RIOX2: variants seen among roughly 807,000 people sequenced by gnomAD.
RIOX2 encodes 60S ribosomal protein L27a histidine hydroxylase.
RIOX2 carries 43 observed loss-of-function variants against 51.2 expected under a neutral mutation model. That is an observed-to-expected ratio of 0.84 (90% CI 0.66 to 1.08). The LOEUF is 1.08. Ranked by LOEUF, RIOX2 falls within the 50% of genes least tolerant of loss-of-function variation. The pLI is 0.00. For synonymous variants in RIOX2, 226 were observed against 218.5 expected, an observed-to-expected ratio of 1.03 and a Z score of -0.30; for missense variants, 566 against 561.7, an observed-to-expected ratio of 1.01 and a Z score of -0.08.
rs2040307921 is a variant in RIOX2, at chr3:97,944,562, G to C, written c.*622C>G. ...TTTAAACTCGAAGACCCACTATTTT[G>C]AGTATTTTTTATAGACTTTAAATAC... On this transcript the variant is annotated 3_prime_UTR_variant, in exon 10 of 10. Transcript: ENST00000394198. 1 of 152,194 alleles carries C rather than the reference G, an allele frequency of 6.6e-6. No homozygotes were observed. The highest frequency in any genetic ancestry group is 1.5e-5 in the Non-Finnish European group (1 of 67,854). The allele number at this position is 152,194 out of a possible 1,614,324, so 9.4% of individuals were successfully genotyped here.
intron 3 of RIOX2, among the ~76,000 whole-genome samples, chr3:97,961,196 C>A (rs1705658349): frequency 6.6e-6 from 1 of 152,132 alleles, no homozygotes; most frequent in Non-Finnish European, 1.5e-5. Context: ...ATATTTTTGG[C>A]AGCTACTGAA....
intron 9 of RIOX2, 143 bp from the exon 10 acceptor site, chr3:97,945,485 TAA>T (rs2040333333): frequency 1.4e-6 from 1 of 725,400 alleles, no homozygotes; most frequent in African/African-American, 1.8e-5. Context: ...TTAGATAACA[TAA>T]AAGATGCCAA....
chr3:97,960,202 G>T (rs78571933), intron 3 of RIOX2, among the ~76,000 whole-genome samples: 2 of 152,194 alleles, frequency 1.3e-5, no homozygotes, highest in African/African-American at 4.8e-5. Context: ...GAAAAAAGTC[G>T]TAACGTTACA....
chr3:97,964,762 A>T (rs1050422260), intron 2 of RIOX2, among the ~76,000 whole-genome samples: 1 of 151,272 alleles, frequency 6.6e-6, no homozygotes, highest in Non-Finnish European at 1.5e-5. Context: ...AAGCTGCCCT[A>T]TTTCAAATGC....
intron 3 of RIOX2, among the ~76,000 whole-genome samples, chr3:97,959,747 A>G (rs563148592): frequency 6.6e-6 from 1 of 152,318 alleles, no homozygotes; most frequent in South Asian, 2.1e-4. Flanking sequence ...GAATGTCATA[A>G]ATGCATCAAA....
At chr3:97,947,513 T>G in intron 7 of RIOX2, 64 bp from the exon 8 acceptor site, 1 of 1,230,390 alleles carries the variant, frequency 8.1e-7, no homozygotes, top group African/African-American at 1.5e-5. Context: ...TCAAACTTGC[T>G]TATACATACA....
Position 97,949,872 on chromosome 3 carries a change from C to G in RIOX2, c.1032G>C (p.Ala344=). Residue 344 remains alanine (A), a synonymous_variant, in exon 7 of 10, where the codon GCG becomes GCC. Transcript: ENST00000394198. The stretch of plus-strand genomic sequence containing the variant: ...GTGTTGACAGCTCTGCCCCATCTCC[C>G]GCAGAGTAAGGGGGGAGTCTGTGCA... The part of the protein sequence containing the change: ...FIMHRLPPYS[A]GDGAELSTPG... The G allele has an allele frequency of 6.2e-7, 1 of 1,613,718 alleles. No homozygotes were observed. The highest frequency in any genetic ancestry group is 8.5e-7 in the Non-Finnish European group (1 of 1,179,906).
chr3:97,957,166 T>C (rs559124718), intron 4 of RIOX2, among the ~76,000 whole-genome samples: 10 of 151,932 alleles, frequency 6.6e-5, no homozygotes, highest in Admixed American at 2.0e-4. Flanking sequence ...TCATTGGGCA[T>C]TGACACAAGG....
rs1255543968 is a variant in RIOX2 at position 97,945,004 on chromosome 3, C to A, written c.*180G>T. 4.5e-6 allele frequency: 2 copies of A among 446,016 alleles called. No individual in the cohort carries two copies. The highest frequency in any genetic ancestry group is 4.1e-5 in the African/African-American group (2 of 48,942). The allele number at this position is 446,016 out of a possible 1,614,324, so 27.6% of individuals were successfully genotyped here. Reference sequence around the variant, plus strand: ...CTGAGACACTTGGTAATTTGCTGTTCTTTCTTTCATGTGCCCGTTAGTACA... The same window carrying A: ...CTGAGACACTTGGTAATTTGCTGTTATTTCTTTCATGTGCCCGTTAGTACA... On this transcript the variant is annotated 3_prime_UTR_variant, in exon 10 of 10. Coordinates refer to ENST00000394198, the MANE Select transcript of RIOX2 (RefSeq NM_153182.4).
chr3:97,960,145 C>T (rs113048510), intron 3 of RIOX2, among the ~76,000 whole-genome samples: 59 of 152,184 alleles, frequency 3.9e-4, no homozygotes, highest in African/African-American at 1.4e-3. Context: ...CACCATGGGA[C>T]CCATATGATG....
At chr3:97,961,975 C>T (rs1474871002) in intron 2 of RIOX2, among the ~76,000 whole-genome samples, 2 of 152,090 alleles carry the variant, frequency 1.3e-5, no homozygotes, top group East Asian at 3.9e-4. Context: ...GGCTTTTAAG[C>T]AGGGAAGGAC....
Position 97,944,610 on chromosome 3 carries a change from C to T in RIOX2, c.*574G>A, listed in dbSNP as rs927439602. ...TACTGGGTTTTTTTCCTCCTTCAAT[C>T]TCAGGCTTTTCTCCATCTTTTAAGC... is the stretch of plus-strand genomic sequence containing the variant. On this transcript the variant is annotated 3_prime_UTR_variant, in exon 10 of 10. Coordinates refer to ENST00000394198, the MANE Select transcript of RIOX2 (RefSeq NM_153182.4). 7 of 152,222 alleles carry T rather than the reference C, an allele frequency of 4.6e-5. No individual in the cohort carries two copies. Among genetic ancestry groups the T allele is most frequent in the African/African-American group, 1.7e-4 (7 of 41,368 alleles). The allele number at this position is 152,222 out of a possible 1,614,324, so 9.4% of individuals were successfully genotyped here.
chr3:97,943,416 C>T lies in RIOX2; in HGVS notation c.*1768G>A. 2.9e-6 allele frequency: 2 copies of T among 689,706 alleles called. No homozygotes were observed. The allele number at this position is 689,706 out of a possible 1,614,324, so 42.7% of individuals were successfully genotyped here. ...AAAGGAAGCTACTGTCCTCACACTC[C>T]TGGATCACTGAGCAGAATGAACATT... On this transcript the variant is annotated 3_prime_UTR_variant, in exon 10 of 10. Coordinates refer to ENST00000394198, the MANE Select transcript of RIOX2 (RefSeq NM_153182.4).
At position 97,944,939 on chromosome 3, in the gene RIOX2, T is replaced by G. The variant is rs1402960158; in HGVS notation, c.*245A>C. The G allele has an allele frequency of 6.6e-6, 2 of 304,156 alleles. No individual in the cohort carries two copies. Among genetic ancestry groups the G allele is most frequent in the Non-Finnish European group, 1.2e-5 (2 of 166,368 alleles). The allele number at this position is 304,156 out of a possible 1,614,324, so 18.8% of individuals were successfully genotyped here. On this transcript the variant is annotated 3_prime_UTR_variant, in exon 10 of 10. Transcript: ENST00000394198. Reference sequence around the variant, plus strand: ...TGGAATTGTGCCTTTTCTACCACACTGGATTAAATAAACTTGTCAAAATAT... The same window carrying G: ...TGGAATTGTGCCTTTTCTACCACACGGGATTAAATAAACTTGTCAAAATAT...
At chr3:97,971,255 G>T (rs1262418980) in intron 1 of RIOX2, among the ~76,000 whole-genome samples, 1 of 152,198 alleles carries the variant, frequency 6.6e-6, no homozygotes, top group Non-Finnish European at 1.5e-5. Flanking sequence ...TACCAGCAAG[G>T]TTGTTAGCAT....
At chr3:97,957,273 T>C (rs903677715) in intron 4 of RIOX2, among the ~76,000 whole-genome samples, 3 of 152,006 alleles carry the variant, frequency 2.0e-5, no homozygotes, top group African/African-American at 7.2e-5. Context: ...CCGAGGCAGG[T>C]GGATCACGAG....
chr3:97,957,324 G>A (rs1025116871), intron 4 of RIOX2, among the ~76,000 whole-genome samples: 3 of 151,656 alleles, frequency 2.0e-5, no homozygotes, highest in African/African-American at 7.3e-5. Flanking sequence ...TGGTGAAACC[G>A]TCTCTACTAA....
intron 4 of RIOX2, among the ~76,000 whole-genome samples, chr3:97,958,224 A>G (rs1189982810): frequency 6.6e-6 from 1 of 152,246 alleles, no homozygotes; most frequent in East Asian, 1.9e-4. Context: ...AGACACAAGA[A>G]AAACAATAAG....
At chr3:97,964,181 C>A (rs560159894) in intron 2 of RIOX2, among the ~76,000 whole-genome samples, 3 of 152,270 alleles carry the variant, frequency 2.0e-5, no homozygotes, top group African/African-American at 7.2e-5. Context: ...ACTGACCTAC[C>A]CGTCAGAATC....
Sources: gnomAD v4.1 joint callset for allele counts (sites outside exome capture counted in the v4.1 genomes callset) on GRCh38, gnomAD v4.1.1 for gene constraint, MANE v1.5 for transcripts, NCBI Gene and HGNC (gene_info 2026-07-23, HGNC 2026-07-21) for gene names.